CDYL: variants seen among roughly 807,000 people sequenced by gnomAD.
CDYL encodes the protein chromodomain Y-like protein.
CDYL carries 8 observed loss-of-function variants against 47.3 expected under a neutral mutation model. That is an observed-to-expected ratio of 0.17 (90% CI 0.10 to 0.31). The LOEUF (loss-of-function observed/expected upper bound fraction) is 0.31. Among genes scored for constraint, CDYL ranks in the 10% least tolerant of loss-of-function variants. The pLI is 1.00. For synonymous variants in CDYL, 266 were observed against 265.0 expected, an observed-to-expected ratio of 1.00 and a Z score of -0.04; for missense variants, 471 against 701.4, an observed-to-expected ratio of 0.67 and a Z score of 3.71.
chr6:4,946,758 C>A (rs1758532878), intron 5 of CDYL, among the ~76,000 whole-genome samples: 1 of 152,112 alleles, frequency 6.6e-6, no homozygotes, highest in Admixed American at 6.5e-5. Context: ...CTTTGCCTCT[C>A]CCAGTCCCAG....
chr6:4,934,271 C>G (rs1008331669), intron 2 of CDYL, among the ~76,000 whole-genome samples: 4 of 152,024 alleles, frequency 2.6e-5, no homozygotes, highest in African/African-American at 9.7e-5. Context: ...ACCTTAATAT[C>G]TTTTATATTC....
chr6:4,734,555 C>A (rs1757666944), intron 2 of CDYL, among the ~76,000 whole-genome samples: 1 of 152,202 alleles, frequency 6.6e-6, no homozygotes, highest in East Asian at 1.9e-4. Context: ...CTTCATCCCG[C>A]TGGGACGGGC....
In CDYL at chr6:4,930,723, T is replaced by C. The variant is rs73717773; in HGVS notation, c.692-4792T>C. Among the ~76,000 whole-genome samples, 845 of 152,346 alleles carry C rather than the reference T, an allele frequency of 5.5e-3. 11 individuals carry two copies. The highest frequency in any genetic ancestry group is 0.019 in the African/African-American group (798 of 41,574). On this transcript the variant is annotated intron_variant, in intron 2 of 6. Transcript: ENST00000397588. ...TATTTAACAGATTTGCCATATGTAT[T>C]TGAGGATATCCTTTTTGCTCTTGAA... is the stretch of plus-strand genomic sequence containing the variant.
chr6:4,727,738 C>T (rs892577268), intron 2 of CDYL, among the ~76,000 whole-genome samples: 1 of 152,050 alleles, frequency 6.6e-6, no homozygotes, highest in African/African-American at 2.4e-5. Context: ...GGTGGGATGC[C>T]ACCGTGATAA....
At position 4,937,548 on chromosome 6, in the gene CDYL, C is replaced by T. The variant is rs1758236001; in HGVS notation, c.949-17C>T. 1 of 1,514,860 alleles carries T rather than the reference C, an allele frequency of 6.6e-7. No homozygotes were observed. The highest frequency in any genetic ancestry group is 2.5e-5 in the East Asian group (1 of 40,510). The allele number at this position is 1,514,860 out of a possible 1,614,324, so 93.8% of individuals were successfully genotyped here. A position where few individuals can be genotyped will look rare whatever the true frequency, so the allele number is the denominator to read the frequency against. On this transcript the variant is annotated splice_polypyrimidine_tract_variant and intron_variant, in intron 3 of 6. Coordinates refer to ENST00000397588, the MANE Select transcript of CDYL (RefSeq NM_004824.4). ...CCCAAAATATTCTTTGCCACTTTAA[C>T]TTCTGGTGACTTTCAGGTAATGAGA... is the stretch of plus-strand genomic sequence containing the variant.
chr6:4,886,539 A>G (rs1051506769), intron 1 of CDYL, among the ~76,000 whole-genome samples: 26 of 152,264 alleles, frequency 1.7e-4, no homozygotes, highest in Admixed American at 2.0e-4. Flanking sequence ...AGAAATGTCT[A>G]TTCAGGTCCT....
At position 4,953,219 on chromosome 6, in the gene CDYL, A is replaced by G. The variant is rs1758762434; in HGVS notation, c.1477-679A>G. On this transcript the variant is annotated intron_variant, in intron 6 of 6. Coordinates refer to ENST00000397588, the MANE Select transcript of CDYL (RefSeq NM_004824.4). ...GCCAACATGGCAAAACCCCGTCTGT[A>G]CTAAAAATCCAAAAGTTAGCCAGGC... is the stretch of plus-strand genomic sequence containing the variant. Among the ~76,000 whole-genome samples the G allele has an allele frequency of 2.0e-5, 3 of 151,848 alleles. No homozygotes were observed. The South Asian group carries it at 6.2e-4, about 31-fold the overall frequency.
At chr6:4,753,604 A>G (rs1207654219) in intron 3 of CDYL, among the ~76,000 whole-genome samples, 1 of 152,204 alleles carries the variant, frequency 6.6e-6, no homozygotes, top group Non-Finnish European at 1.5e-5. Flanking sequence ...GCCTCCTGGT[A>G]GTAGTAACTT....
chr6:4,782,576 C>T (rs1758645559), intron 1 of CDYL, among the ~76,000 whole-genome samples: 1 of 152,154 alleles, frequency 6.6e-6, no homozygotes, highest in Non-Finnish European at 1.5e-5. Context: ...GGTTCACGTT[C>T]TCTAGGAAGT....
Position 4,953,482 on chromosome 6 carries a change from G to A in CDYL, c.1477-416G>A, listed in dbSNP as rs117494612. Among the ~76,000 whole-genome samples, 5 of 152,134 alleles carry A rather than the reference G, an allele frequency of 3.3e-5. No homozygotes were observed. In the East Asian group the frequency reaches 7.7e-4, roughly 24 times the overall value. On this transcript the variant is annotated intron_variant, in intron 6 of 6. Coordinates refer to ENST00000397588, the MANE Select transcript of CDYL (RefSeq NM_004824.4). ...TGAAATGTATAATATTAACTGACAC[G>A]ACTCCCATCCCAGGCAGACAAGCAA...
intron 1 of CDYL, among the ~76,000 whole-genome samples, chr6:4,885,312 G>T (rs1341977456): frequency 6.6e-6 from 1 of 152,162 alleles, no homozygotes; most frequent in Non-Finnish European, 1.5e-5. Flanking sequence ...ATTTTAACTT[G>T]TGTACCGTTC....
intron 3 of CDYL, among the ~76,000 whole-genome samples, chr6:4,744,304 T>C (rs1392187732): frequency 6.6e-6 from 1 of 152,104 alleles, no homozygotes; most frequent in Non-Finnish European, 1.5e-5. Flanking sequence ...GCCAGCCTAG[T>C]CAGCTTAGTA....
chr6:4,852,555 CCTTCCA>C, intron 1 of CDYL, among the ~76,000 whole-genome samples: 1 of 133,874 alleles, frequency 7.5e-6, no homozygotes, highest in Admixed American at 7.3e-5. Flanking sequence ...TTCCTTCCTT[CCTTCCA>C]ATCTTCCTTC....
intron 1 of CDYL, among the ~76,000 whole-genome samples, chr6:4,827,214 C>T (rs1760005076): frequency 6.6e-6 from 1 of 152,160 alleles, no homozygotes; most frequent in South Asian, 2.1e-4. Context: ...CTGTAGATAA[C>T]ATATAGTTAT....
intron 1 of CDYL, among the ~76,000 whole-genome samples, chr6:4,816,252 G>GTT (rs113113323): frequency 0.029 from 4,058 of 142,278 alleles, 129 homozygotes; most frequent in East Asian, 0.082. Context: ...TCGCGTCCCT[G>GTT]TTTTTTTTTT....
At chr6:4,840,080 A>G (rs1022489130) in intron 1 of CDYL, among the ~76,000 whole-genome samples, 3 of 152,036 alleles carry the variant, frequency 2.0e-5, no homozygotes, top group Non-Finnish European at 4.4e-5. Context: ...TGATTGTGTC[A>G]TCTATGATTT....
intron 1 of CDYL, chr6:4,889,870 C>G: frequency 1.6e-6 from 1 of 641,716 alleles, no homozygotes; most frequent in Non-Finnish European, 1.9e-6. Context: ...CCGTTAGCTG[C>G]GGAGGCTACT....
intron 1 of CDYL, chr6:4,889,869 G>C (rs1282629727): frequency 3.1e-6 from 2 of 639,852 alleles, no homozygotes. Context: ...ACCGTTAGCT[G>C]CGGAGGCTAC....
At chr6:4,890,126 G>A (rs1762002246) in intron 1 of CDYL, 2 of 985,346 alleles carry the variant, frequency 2.0e-6, no homozygotes, top group South Asian at 4.7e-5. Flanking sequence ...ATTGATTTAA[G>A]GTGGGTTGGG....
Sources: allele counts gnomAD v4.1 joint callset (sites outside exome capture counted in the v4.1 genomes callset), GRCh38; gene constraint gnomAD v4.1.1; transcripts MANE v1.5; gene names NCBI Gene and HGNC (gene_info 2026-07-23, HGNC 2026-07-21).